FAF1: variants seen among roughly 807,000 people sequenced by gnomAD.
The protein encoded by FAF1 is FAS-associated factor 1.
A neutral mutation model predicts 92.5 loss-of-function variants in FAF1; 25 were observed. The observed-to-expected ratio is 0.27, with a 90% confidence interval of 0.20 to 0.38. The LOEUF (loss-of-function observed/expected upper bound fraction) is 0.38. Among genes scored for constraint, FAF1 ranks in the 10% least tolerant of loss-of-function variants. The pLI, the probability that FAF1 is intolerant of heterozygous loss-of-function variation, is 1.00. For missense variants in FAF1, 636 were observed against 793.3 expected (o/e 0.80, Z 2.38); for synonymous variants, 234 against 273.2 (o/e 0.86, Z 1.42).
chr1:50,739,017 C>G (rs1163840181), intron 5 of FAF1, 63 bp from the exon 6 acceptor site: 4 of 1,028,472 alleles, frequency 3.9e-6, no homozygotes, highest in Non-Finnish European at 5.8e-6. Context: ...ATTGATTTTT[C>G]CTGTAATTCT....
At chr1:50,953,306 T>A (rs1173123642) in intron 1 of FAF1, among the ~76,000 whole-genome samples, 1 of 152,018 alleles carries the variant, frequency 6.6e-6, no homozygotes, top group Non-Finnish European at 1.5e-5. Flanking sequence ...CTTGTTCACA[T>A]GTTTATCTGC....
rs1173309422 is a variant in FAF1, at chr1:50,724,251, A to C, written c.551+14612T>G. ...AGACTGTCTTTCAAAAAAAAAAAAA[A>C]AAAACAACCATATATATATACATAT... On this transcript the variant is annotated intron_variant, in intron 6 of 18. Transcript: ENST00000396153. Among the ~76,000 whole-genome samples, 4 of 148,624 alleles carry C rather than the reference A, an allele frequency of 2.7e-5. No homozygotes were observed. In the South Asian group the frequency reaches 6.3e-4, roughly 23 times the overall value.
At chr1:50,752,141 T>G (rs1316018910) in intron 4 of FAF1, among the ~76,000 whole-genome samples, 6 of 152,148 alleles carry the variant, frequency 3.9e-5, no homozygotes, top group Admixed American at 2.0e-4. Flanking sequence ...AGCTAACTTT[T>G]GCATTTTTAG....
intron 12 of FAF1, among the ~76,000 whole-genome samples, chr1:50,569,698 A>G (rs1650341561): frequency 6.6e-6 from 1 of 152,164 alleles, no homozygotes; most frequent in Non-Finnish European, 1.5e-5. Context: ...TAAAATGCCT[A>G]TTTCTCTCAA....
intron 6 of FAF1, among the ~76,000 whole-genome samples, chr1:50,706,421 G>A (rs1657677535): frequency 6.6e-6 from 1 of 152,118 alleles, no homozygotes; most frequent in African/African-American, 2.4e-5. Context: ...TTAGGACTCA[G>A]TAATACACAG....
At chr1:50,674,749 A>T (rs541145459) in intron 7 of FAF1, among the ~76,000 whole-genome samples, 1 of 152,348 alleles carries the variant, frequency 6.6e-6, no homozygotes, top group South Asian at 2.1e-4. Flanking sequence ...ATTTCAGAGC[A>T]TCATTCTCTC....
intron 1 of FAF1, among the ~76,000 whole-genome samples, chr1:50,879,763 T>G (rs1205786378): frequency 6.6e-6 from 1 of 152,186 alleles, no homozygotes; most frequent in Non-Finnish European, 1.5e-5. Flanking sequence ...GACCCCATAC[T>G]CCTAAATCAC....
Position 50,744,805 on chromosome 1 carries a change from C to T in FAF1, c.368-30G>A, listed in dbSNP as rs564325459. On this transcript the variant is annotated intron_variant, in intron 4 of 18. Transcript: ENST00000396153. ...ATAAATAAGAAGAGATCAAATATTA[C>T]TAACAAAATAACACAGTTAACATTT... 2.3e-5 allele frequency: 30 copies of T among 1,305,108 alleles called. 1 individual carries two copies. The South Asian group carries it at 3.5e-4, about 15-fold the overall frequency. 80.8% of individuals were successfully genotyped at this position (1,305,108 alleles called of 1,614,324 possible).
chr1:50,584,873 AG>A (rs1219803949), intron 9 of FAF1, 62 bp from the exon 10 acceptor site: 9 of 1,448,856 alleles, frequency 6.2e-6, no homozygotes, highest in Non-Finnish European at 8.6e-6. Context: ...TCTAAGAATA[AG>A]TTATAATAAT....
At chr1:50,788,628 C>T (rs1661447802) in intron 3 of FAF1, among the ~76,000 whole-genome samples, 1 of 152,110 alleles carries the variant, frequency 6.6e-6, no homozygotes, top group Non-Finnish European at 1.5e-5. Flanking sequence ...CCTCAATTCT[C>T]CCCAATTCTC....
intron 15 of FAF1, among the ~76,000 whole-genome samples, chr1:50,515,940 C>T (rs1647212745): frequency 1.3e-5 from 2 of 152,112 alleles, no homozygotes; most frequent in African/African-American, 2.4e-5. Flanking sequence ...ACTCATTCTT[C>T]CAAACTTAGT....
At chr1:50,508,095 G>A (rs115638846) in intron 15 of FAF1, among the ~76,000 whole-genome samples, 573 of 152,302 alleles carry the variant, frequency 3.8e-3, no homozygotes, top group African/African-American at 0.014. Context: ...AAGCACTGGT[G>A]AAGATATACA....
At chr1:50,805,903 T>G (rs1662178885) in intron 2 of FAF1, among the ~76,000 whole-genome samples, 1 of 152,100 alleles carries the variant, frequency 6.6e-6, no homozygotes, top group African/African-American at 2.4e-5. Context: ...ATTACATATA[T>G]CAATTCATTT....
intron 18 of FAF1, chr1:50,452,093 CAG>C (rs1458787950): frequency 7.4e-7 from 1 of 1,343,458 alleles, no homozygotes; most frequent in Non-Finnish European, 9.8e-7. Context: ...AGTCTAAAAA[CAG>C]GAGATGATCC....
intron 2 of FAF1, among the ~76,000 whole-genome samples, chr1:50,828,751 ACAGGTT>A (rs1402113835): frequency 6.6e-6 from 1 of 152,244 alleles, no homozygotes; most frequent in Admixed American, 6.5e-5. Flanking sequence ...CTGAAGGTGG[ACAGGTT>A]TCTTTGAAAA....
intron 12 of FAF1, among the ~76,000 whole-genome samples, chr1:50,567,817 T>C (rs1453545888): frequency 6.6e-6 from 1 of 152,112 alleles, no homozygotes; most frequent in Non-Finnish European, 1.5e-5. Context: ...TAATTGACAT[T>C]TGAAGAGATA....
In FAF1 at chr1:50,874,758, C is replaced by CTTTTTTTTTTTTTTTTT. The variant is rs755424291; in HGVS notation, c.46-16778_46-16762dup. Among the ~76,000 whole-genome samples, 39 of 67,254 alleles carry CTTTTTTTTTTTTTTTTT rather than the reference C, an allele frequency of 5.8e-4. 1 individual carries two copies. The highest frequency in any genetic ancestry group is 1.2e-3 in the East Asian group (3 of 2,468). The allele number at this position is 67,254 out of a possible 152,430, so 44.1% of individuals were successfully genotyped here. On this transcript the variant is annotated intron_variant, in intron 1 of 18. Coordinates refer to ENST00000396153, the MANE Select transcript of FAF1 (RefSeq NM_007051.3). The stretch of plus-strand genomic sequence containing the variant: ...TTCTCCATCTTATTTTCTTTTCTTT[C>CTTTTTTTTTTTTTTTTT]TTTTTTTTTTTTTTTTTTTTTTTTT...
intron 7 of FAF1, among the ~76,000 whole-genome samples, chr1:50,666,150 G>T (rs529452542): frequency 6.6e-6 from 1 of 151,786 alleles, no homozygotes; most frequent in East Asian, 1.9e-4. Context: ...AAAAGACCAG[G>T]TGATCTGCCC....
chr1:50,737,441 G>A (rs1659188504), intron 6 of FAF1, among the ~76,000 whole-genome samples: 2 of 152,088 alleles, frequency 1.3e-5, no homozygotes, highest in Non-Finnish European at 2.9e-5. Context: ...ATTACACTTT[G>A]TTAACTAACC....
Sources: gnomAD v4.1 joint callset for allele counts (sites outside exome capture counted in the v4.1 genomes callset) on GRCh38, gnomAD v4.1.1 for gene constraint, MANE v1.5 for transcripts, NCBI Gene and HGNC (gene_info 2026-07-23, HGNC 2026-07-21) for gene names.